Variants in EPHB2 observed in about 807,000 individuals in gnomAD.
The protein encoded by EPHB2 is ephrin type-B receptor 2.
EPHB2 carries 18 observed loss-of-function variants against 96.4 expected under a neutral mutation model. That is an observed-to-expected ratio of 0.19 (90% CI 0.13 to 0.28). EPHB2 has a LOEUF of 0.28. Among genes scored for constraint, EPHB2 ranks in the 10% least tolerant of loss-of-function variants. The pLI, the probability that EPHB2 is intolerant of heterozygous loss-of-function variation, is 1.00. For missense variants in EPHB2, 989 were observed against 1,355.4 expected, an observed-to-expected ratio of 0.73 and a Z score of 4.25; for synonymous variants, 506 against 534.1, an observed-to-expected ratio of 0.95 and a Z score of 0.72.
At chr1:22,808,144 A>AG (rs1257691309) in intron 3 of EPHB2, among the ~76,000 whole-genome samples, 27 of 151,950 alleles carry the variant, frequency 1.8e-4, no homozygotes, top group African/African-American at 5.6e-4. Context: ...AAAAAAAAGA[A>AG]AAAGAAAAAG....
chr1:22,734,656 A>G (rs1436980833), intron 1 of EPHB2, among the ~76,000 whole-genome samples: 2 of 152,108 alleles, frequency 1.3e-5, no homozygotes, highest in Admixed American at 6.6e-5. Context: ...TCCTGACCTC[A>G]GGCATCTGCC....
At chr1:22,748,679 T>C (rs1225626078) in intron 1 of EPHB2, among the ~76,000 whole-genome samples, 1 of 151,386 alleles carries the variant, frequency 6.6e-6, no homozygotes, top group Non-Finnish European at 1.5e-5. Flanking sequence ...TGCGCCCAGC[T>C]CTGGGTCCTC....
At chr1:22,731,110 G>T (rs1293028763) in intron 1 of EPHB2, among the ~76,000 whole-genome samples, 4 of 152,206 alleles carry the variant, frequency 2.6e-5, no homozygotes, top group African/African-American at 9.7e-5. Context: ...AGGAGGCTCT[G>T]TTGGCATTTT....
intron 3 of EPHB2, among the ~76,000 whole-genome samples, chr1:22,825,704 C>T (rs1645213671): frequency 6.6e-6 from 1 of 152,244 alleles, no homozygotes; most frequent in African/African-American, 2.4e-5. Context: ...TAGGGCCACC[C>T]TGGGGGCCAG....
rs1244790477 is a variant in EPHB2 at position 22,917,730 on chromosome 1, G to C, written c.*4160G>C. 1 of 152,260 alleles carries C rather than the reference G, an allele frequency of 6.6e-6. No individual in the cohort carries two copies. The highest frequency in any genetic ancestry group is 6.5e-5 in the Admixed American group (1 of 15,270). 9.4% of individuals were successfully genotyped at this position (152,260 alleles called of 1,614,324 possible). On this transcript the variant is annotated 3_prime_UTR_variant, in exon 16 of 16. Transcript: ENST00000374630. ...ACACAGCCAGGAAGGAGCAGAGCAA[G>C]GCCATGAGCTTTGGATTTTTCTGTT...
intron 3 of EPHB2, among the ~76,000 whole-genome samples, chr1:22,836,341 C>T (rs1048682818): frequency 6.6e-6 from 1 of 152,242 alleles, no homozygotes; most frequent in Non-Finnish European, 1.5e-5. Flanking sequence ...AGGAGTGCGC[C>T]GAGGCCCTTT....
At chr1:22,864,764 AT>A in intron 4 of EPHB2, 112 bp from the exon 5 acceptor site, 2 of 675,450 alleles carry the variant, frequency 3.0e-6, no homozygotes, top group Non-Finnish European at 5.1e-6. Context: ...AGGACAAAGA[AT>A]TTAAGGAAGT....
At position 22,850,923 on chromosome 1, in the gene EPHB2, G is replaced by C. The variant is rs932172198; in HGVS notation, c.812-12114G>C. The stretch of plus-strand genomic sequence containing the variant: ...GCTGGAGTGGGCAAGAGGCCAGGCG[G>C]GTGGAGGGGAGTTCAGAGAGGAAAA... On this transcript the variant is annotated intron_variant, in intron 3 of 15. Coordinates refer to ENST00000374630, the MANE Select transcript of EPHB2 (RefSeq NM_017449.5). Among the ~76,000 whole-genome samples, 6 of 152,326 alleles carry C rather than the reference G, an allele frequency of 3.9e-5. No homozygotes were observed. In the South Asian group the frequency reaches 1.2e-3, roughly 32 times the overall value.
Position 22,920,037 on chromosome 1 carries a change from AT to A in EPHB2, c.*6468del, listed in dbSNP as rs1570482743. The A allele has an allele frequency of 7.0e-6, 1 of 143,700 alleles. No individual in the cohort carries two copies. Among genetic ancestry groups the A allele is most frequent in the African/African-American group, 3.0e-5 (1 of 33,512 alleles). The allele number at this position is 143,700 out of a possible 1,614,324, so 8.9% of individuals were successfully genotyped here. On this transcript the variant is annotated 3_prime_UTR_variant, in exon 16 of 16. Coordinates refer to ENST00000374630, the MANE Select transcript of EPHB2 (RefSeq NM_017449.5). ...TGGGGAGGGAGACAGCTGAAAACAG[AT>A]ACTAAGAAAAGCTCCATCCCTTGGA...
chr1:22,805,800 A>T (rs1644917217), intron 3 of EPHB2, among the ~76,000 whole-genome samples: 1 of 152,222 alleles, frequency 6.6e-6, no homozygotes, highest in Non-Finnish European at 1.5e-5. Flanking sequence ...GGGGGGCTGC[A>T]GATGTGTCTG....
chr1:22,723,072 C>T (rs371482967), intron 1 of EPHB2, among the ~76,000 whole-genome samples: 11 of 152,306 alleles, frequency 7.2e-5, no homozygotes, highest in African/African-American at 1.9e-4. Flanking sequence ...AGGGAGAGAG[C>T]GTGGGGTCAA....
At chr1:22,769,057 G>T (rs914221802) in intron 1 of EPHB2, among the ~76,000 whole-genome samples, 4 of 152,228 alleles carry the variant, frequency 2.6e-5, no homozygotes, top group Admixed American at 6.5e-5. Flanking sequence ...GACCGTGGTA[G>T]GGGTGAGGCT....
At chr1:22,739,810 C>G (rs891793952) in intron 1 of EPHB2, among the ~76,000 whole-genome samples, 7 of 152,106 alleles carry the variant, frequency 4.6e-5, no homozygotes, top group Admixed American at 3.3e-4. Context: ...TGCCCTCCCC[C>G]ACATGCCCGG....
chr1:22,904,045 C>T (rs965192140), intron 9 of EPHB2, among the ~76,000 whole-genome samples: 4 of 152,122 alleles, frequency 2.6e-5, no homozygotes, highest in South Asian at 2.1e-4. Flanking sequence ...CCCAGCACTT[C>T]GGGAGGCCGA....
intron 1 of EPHB2, among the ~76,000 whole-genome samples, chr1:22,728,928 C>G (rs1643642706): frequency 6.6e-6 from 1 of 152,356 alleles, no homozygotes; most frequent in African/African-American, 2.4e-5. Flanking sequence ...TCTCGGCTCC[C>G]TGACGGCATC....
At chr1:22,873,561 A>AG (rs1265344468) in intron 5 of EPHB2, among the ~76,000 whole-genome samples, 1 of 150,602 alleles carries the variant, frequency 6.6e-6, no homozygotes, top group Non-Finnish European at 1.5e-5. Context: ...GTGTAGATAC[A>AG]GGGGGGTGAT....
At chr1:22,823,858 A>G (rs1462960485) in intron 3 of EPHB2, among the ~76,000 whole-genome samples, 8 of 152,244 alleles carry the variant, frequency 5.3e-5, no homozygotes, top group Non-Finnish European at 1.0e-4. Flanking sequence ...GAGGAATGGA[A>G]AGATGAGCGA....
intron 3 of EPHB2, among the ~76,000 whole-genome samples, chr1:22,837,065 G>A (rs1388724054): frequency 2.6e-5 from 4 of 152,212 alleles, no homozygotes; most frequent in Non-Finnish European, 5.9e-5. Flanking sequence ...GGCCTGAACT[G>A]GATTTGAGTG....
intron 3 of EPHB2, among the ~76,000 whole-genome samples, chr1:22,795,955 A>G (rs1003670141): frequency 5.3e-5 from 8 of 152,112 alleles, no homozygotes; most frequent in Non-Finnish European, 1.2e-4. Flanking sequence ...GTCTGTGAGG[A>G]GCTCACACTG....
Sources: allele counts gnomAD v4.1 joint callset (sites outside exome capture counted in the v4.1 genomes callset), GRCh38; gene constraint gnomAD v4.1.1; transcripts MANE v1.5; gene names NCBI Gene and HGNC (gene_info 2026-07-23, HGNC 2026-07-21).